ABLIM2: variants seen among roughly 807,000 people sequenced by gnomAD.
ABLIM2 encodes actin binding LIM protein family member 2.
Under a neutral mutation model 97.7 loss-of-function variants are expected in ABLIM2, and 53 were observed. That is an observed-to-expected ratio of 0.54 (90% CI 0.44 to 0.68). The LOEUF (loss-of-function observed/expected upper bound fraction) is 0.68, where lower values mean the gene tolerates loss of function less well. Ranked by LOEUF, ABLIM2 falls within the 30% of genes least tolerant of loss-of-function variation. The pLI is 0.00. For missense variants in ABLIM2, 835 were observed against 867.2 expected (o/e 0.96, Z 0.47); for synonymous variants, 361 against 345.8 (o/e 1.04, Z -0.49).
At chr4:7,972,690 G>A (rs1729102846) in intron 20 of ABLIM2, among the ~76,000 whole-genome samples, 1 of 152,160 alleles carries the variant, frequency 6.6e-6, no homozygotes. Flanking sequence ...CCTGGCCTAC[G>A]AGGCCCCTGC....
At chr4:8,009,529 G>T (rs1171942824) in intron 14 of ABLIM2, among the ~76,000 whole-genome samples, 1 of 152,122 alleles carries the variant, frequency 6.6e-6, no homozygotes, top group Non-Finnish European at 1.5e-5. Context: ...CCCGGTAGCT[G>T]GGATTACAGG....
intron 3 of ABLIM2, among the ~76,000 whole-genome samples, chr4:8,088,550 C>A: frequency 6.6e-6 from 1 of 152,230 alleles, no homozygotes; most frequent in East Asian, 1.9e-4. Context: ...TGGTGAGGAC[C>A]AGCTGAGGGC....
chr4:8,074,699 C>T (rs1449748903), intron 6 of ABLIM2, among the ~76,000 whole-genome samples: 2 of 151,496 alleles, frequency 1.3e-5, no homozygotes, highest in Non-Finnish European at 1.5e-5. Context: ...AAAGGGTGTT[C>T]GCTGCAATGT....
chr4:8,077,607 G>C, intron 6 of ABLIM2, 21 bp downstream of exon 6: 1 of 1,587,786 alleles, frequency 6.3e-7, no homozygotes, highest in Non-Finnish European at 8.6e-7. Flanking sequence ...AGCGGGCAGG[G>C]GCCCGGCCCG....
At position 8,008,243 on chromosome 4, in the gene ABLIM2, G is replaced by A. The variant is rs373885854; in HGVS notation, c.1477-43C>T. 1.6e-5 allele frequency: 25 copies of A among 1,587,038 alleles called. No homozygotes were observed. The African/African-American group carries it at 2.8e-4, about 18-fold the overall frequency. On this transcript the variant is annotated intron_variant, in intron 15 of 20. Coordinates refer to ENST00000447017, the MANE Select transcript of ABLIM2 (RefSeq NM_001130083.2). ...AGTCATGCAAATGTCAAGGTCATCT[G>A]CAATGGTGGGAACATCTCACTGGAC... is the stretch of plus-strand genomic sequence containing the variant.
chr4:8,092,510 G>C (rs772579772), intron 3 of ABLIM2, among the ~76,000 whole-genome samples: 5 of 152,078 alleles, frequency 3.3e-5, no homozygotes, highest in Admixed American at 3.3e-4. Flanking sequence ...ATTTACAGAG[G>C]GTTAGTCTTA....
intron 12 of ABLIM2, among the ~76,000 whole-genome samples, chr4:8,027,069 T>C (rs914112397): frequency 6.6e-6 from 1 of 152,182 alleles, no homozygotes; most frequent in East Asian, 1.9e-4. Flanking sequence ...GTCAGTACTA[T>C]GGGATCTGTG....
At chr4:7,989,946 A>C (rs1747377141) in intron 17 of ABLIM2, among the ~76,000 whole-genome samples, 1 of 152,234 alleles carries the variant, frequency 6.6e-6, no homozygotes, top group Non-Finnish European at 1.5e-5. Context: ...GGTTATGAGC[A>C]TCTACCATGC....
chr4:8,036,401 G>A lies in ABLIM2; in HGVS notation c.901-106C>T, dbSNP rs577617857. 8.7e-6 allele frequency: 12 copies of A among 1,382,044 alleles called. No individual in the cohort carries two copies. The African/African-American group carries it at 1.4e-4, about 16-fold the overall frequency. 85.6% of individuals were successfully genotyped at this position (1,382,044 alleles called of 1,614,324 possible). On this transcript the variant is annotated intron_variant, in intron 9 of 20. Coordinates refer to ENST00000447017, the MANE Select transcript of ABLIM2 (RefSeq NM_001130083.2). ...CCACAGGACAGTGCCCCCAAAGCCA[G>A]ATGCATCCCACAGGACAGTGCCCCC...
intron 7 of ABLIM2, among the ~76,000 whole-genome samples, 173 bp downstream of exon 7, chr4:8,060,794 G>T (rs1463253178): frequency 6.6e-6 from 1 of 152,208 alleles, no homozygotes; most frequent in African/African-American, 2.4e-5. Flanking sequence ...GGCTGACGAG[G>T]CTGGCCTGGC....
In ABLIM2 at chr4:8,083,309, C is replaced by T. The variant is rs999564531; in HGVS notation, c.455-2507G>A. On this transcript the variant is annotated intron_variant, in intron 4 of 20. Coordinates refer to ENST00000447017, the MANE Select transcript of ABLIM2 (RefSeq NM_001130083.2). The surrounding 1 kb of genome is among the most constrained non-coding windows in gnomAD (Gnocchi z 4.6). ...TCTCTGTGCCCCTGGAATGAGGGCACGTGTGATCCGTGAATAAATGCACAC... is the reference window on the plus strand; with the variant it reads ...TCTCTGTGCCCCTGGAATGAGGGCATGTGTGATCCGTGAATAAATGCACAC... Among the ~76,000 whole-genome samples, 12 of 152,288 alleles carry T rather than the reference C, an allele frequency of 7.9e-5. No individual in the cohort carries two copies. Among genetic ancestry groups the T allele is most frequent in the South Asian group, 2.1e-4 (1 of 4,826 alleles).
intron 16 of ABLIM2, among the ~76,000 whole-genome samples, chr4:8,000,691 G>A (rs1272730404): frequency 6.6e-6 from 1 of 152,152 alleles, no homozygotes; most frequent in Non-Finnish European, 1.5e-5. Flanking sequence ...GAAGGCTGCT[G>A]CTCAGGGAGC....
rs961440154 is a variant in ABLIM2, at chr4:8,071,118, G to A, written c.675+6510C>T. Among the ~76,000 whole-genome samples the A allele has an allele frequency of 2.0e-5, 3 of 152,206 alleles. No individual in the cohort carries two copies. The South Asian group carries it at 6.2e-4, about 32-fold the overall frequency. ...CCCTGGTCTAGAGGCTGGTCACACC[G>A]CTGTCCCCGTGGATTCGCCAGCTGA... is the stretch of plus-strand genomic sequence containing the variant. On this transcript the variant is annotated intron_variant, in intron 6 of 20. Transcript: ENST00000447017. This position sits in a 1 kb window ranked among gnomAD's most constrained non-coding sequence, Gnocchi z 6.2.
chr4:8,106,500 A>G lies in ABLIM2; in HGVS notation c.148T>C (p.Cys50Arg). ...GGGACCGGGGGACACTCACCTTTACAGACGAAGCACTTGATGTGGAAGTAC... is the reference window on the plus strand; with the variant it reads ...GGGACCGGGGGACACTCACCTTTACGGACGAAGCACTTGATGTGGAAGTAC... ...DKYFHIKCFV[C>R]KACGCDLAEG... The change falls in exon 2 of 21, where the codon TGT (cysteine) becomes CGT (arginine). Residue 50 changes from cysteine (C) to arginine (R), a missense_variant. Cys to Arg is a radical substitution (Grantham distance 180, BLOSUM62 -3). Coordinates refer to ENST00000447017, the MANE Select transcript of ABLIM2 (RefSeq NM_001130083.2). The G allele has an allele frequency of 6.3e-7, 1 of 1,595,528 alleles. No individual in the cohort carries two copies.
chr4:8,158,601 G>A, intron 1 of ABLIM2, 79 bp downstream of exon 1: 1 of 1,475,496 alleles, frequency 6.8e-7, no homozygotes, highest in Non-Finnish European at 9.0e-7. Context: ...TGCAGGTGCA[G>A]CCTCCGAATG....
rs540200367 is a variant in ABLIM2 at position 8,114,863 on chromosome 4, C to T, written c.11-8226G>A. On this transcript the variant is annotated intron_variant, in intron 1 of 20. Transcript: ENST00000447017. ...AAGAGCACACAGGAAGCTCATGGTGCCAGTGCTGTGGGACCCCAGGCCCAG... is the reference window on the plus strand; with the variant it reads ...AAGAGCACACAGGAAGCTCATGGTGTCAGTGCTGTGGGACCCCAGGCCCAG... Among the ~76,000 whole-genome samples, 167 of 152,344 alleles carry T rather than the reference C, an allele frequency of 1.1e-3. 1 individual carries two copies. The highest frequency in any genetic ancestry group is 3.9e-3 in the African/African-American group (163 of 41,586).
intron 7 of ABLIM2, 76 bp downstream of exon 7, chr4:8,060,891 C>A (rs1331888485): frequency 2.3e-6 from 3 of 1,281,160 alleles, no homozygotes; most frequent in East Asian, 2.6e-5. Context: ...AACCTGTTCA[C>A]ACCCAGCATG....
Position 8,097,159 on chromosome 4 carries a change from T to A in ABLIM2, c.278A>T (p.Glu93Val), listed in dbSNP as rs764448823. The change falls in exon 3 of 21, where the codon GAG becomes GTG. Residue 93 changes from glutamate (E) to valine (V), a missense_variant. Physicochemically the swap from Glu to Val is moderately radical, Grantham distance 121 (BLOSUM62 -2). Coordinates refer to ENST00000447017, the MANE Select transcript of ABLIM2 (RefSeq NM_001130083.2). ...GGTCTTGCCCAGCGCCGACACCACC[T>A]CACCCTCAATGAACTGGTCGCAGCT... ...CFSCDQFIEG[E>V]VVSALGKTYH... 2.5e-6 allele frequency: 4 copies of A among 1,610,544 alleles called. No homozygotes were observed. The East Asian group carries it at 6.7e-5, about 27-fold the overall frequency.
At chr4:7,980,941 A>ATTTTTTTTTTTTTATTT (rs1737709036) in intron 20 of ABLIM2, among the ~76,000 whole-genome samples, 3 of 82,988 alleles carry the variant, frequency 3.6e-5, no homozygotes, top group African/African-American at 5.5e-5. Context: ...ACAACCCCTT[A>ATTTTTTTTTTTTTATTT]TTTTTTTTTT....
Sources: allele counts gnomAD v4.1 joint callset (sites outside exome capture counted in the v4.1 genomes callset), GRCh38; gene constraint gnomAD v4.1.1; non-coding constraint Gnocchi (gnomAD v3.1); transcripts MANE v1.5; gene names NCBI Gene and HGNC (gene_info 2026-07-23, HGNC 2026-07-21).